The following KHDRBS2 variants were observed in gnomAD, a reference collection of about 807,000 sequenced individuals.
KHDRBS2 encodes the protein KH RNA binding domain containing, signal transduction associated 2.
Under a neutral mutation model 44.3 loss-of-function variants are expected in KHDRBS2, and 26 were observed. The ratio of observed to expected loss-of-function variants is 0.59; its 90% confidence interval spans 0.43 to 0.81. The LOEUF (loss-of-function observed/expected upper bound fraction) is 0.81, where lower values mean the gene tolerates loss of function less well. KHDRBS2 is among the 40% of genes least tolerant of loss of function. The probability of loss-of-function intolerance (pLI) is 0.00; values close to 1 mark genes in which losing one functional copy is unlikely to be tolerated. For synonymous variants in KHDRBS2, 194 were observed against 151.1 expected (o/e 1.28, Z -2.08); for missense variants, 476 against 433.1 (o/e 1.10, Z -0.88).
chr6:61,996,663 C>T (rs1342940645), intron 3 of KHDRBS2, among the ~76,000 whole-genome samples: 1 of 152,134 alleles, frequency 6.6e-6, no homozygotes, highest in Non-Finnish European at 1.5e-5. Context: ...TTGAATTAAG[C>T]CCAATTGAAC....
intron 2 of KHDRBS2, among the ~76,000 whole-genome samples, chr6:62,049,384 G>T (rs764094579): frequency 6.6e-6 from 1 of 151,508 alleles, no homozygotes; most frequent in Non-Finnish European, 1.5e-5. Context: ...ATCGATCATA[G>T]AACTATATGT....
At chr6:62,160,837 T>C (rs1462196683) in intron 2 of KHDRBS2, among the ~76,000 whole-genome samples, 1 of 152,140 alleles carries the variant, frequency 6.6e-6, no homozygotes, top group Non-Finnish European at 1.5e-5. Flanking sequence ...AAAATATTAC[T>C]ATATTTACCA....
At chr6:61,791,050 T>C (rs1784560278) in intron 6 of KHDRBS2, among the ~76,000 whole-genome samples, 1 of 151,538 alleles carries the variant, frequency 6.6e-6, no homozygotes, top group Non-Finnish European at 1.5e-5. Flanking sequence ...TTTATTGGAA[T>C]GACGTTCCTT....
At chr6:62,044,934 G>A (rs1787354737) in intron 3 of KHDRBS2, among the ~76,000 whole-genome samples, 1 of 152,026 alleles carries the variant, frequency 6.6e-6, no homozygotes, top group Admixed American at 6.6e-5. Flanking sequence ...TGTGTCCTTG[G>A]ACATATTACA....
At chr6:62,070,175 T>A (rs775501389) in intron 2 of KHDRBS2, among the ~76,000 whole-genome samples, 8 of 151,786 alleles carry the variant, frequency 5.3e-5, no homozygotes, top group Non-Finnish European at 1.0e-4. Context: ...TAGTGCACAA[T>A]CCATTTTATA....
chr6:61,597,482 G>A, the KHDRBS2 span, among the ~76,000 whole-genome samples: 1 of 151,690 alleles, frequency 6.6e-6, no homozygotes, highest in African/African-American at 2.4e-5. Context: ...CACAGTCACT[G>A]GAAGTCTCTT....
intron 6 of KHDRBS2, among the ~76,000 whole-genome samples, chr6:61,813,064 T>C (rs1415403055): frequency 1.3e-5 from 2 of 152,100 alleles, no homozygotes; most frequent in Non-Finnish European, 2.9e-5. Flanking sequence ...AGTAAATGTG[T>C]ATATGTAAAT....
chr6:62,284,056 T>C (rs536211375), intron 1 of KHDRBS2, among the ~76,000 whole-genome samples: 14 of 152,286 alleles, frequency 9.2e-5, no homozygotes, highest in Admixed American at 3.3e-4. Flanking sequence ...CATCAGAACA[T>C]GTTCCTAAGT....
rs144131779 is a variant in KHDRBS2, at chr6:61,811,379, C to T, written c.811-78615G>A. On this transcript the variant is annotated intron_variant, in intron 6 of 8. Transcript: ENST00000281156. Reference sequence around the variant, plus strand: ...ATGGGCACCTAGGTTTATTCCATGTCTTTGCTATTGTGAATAGTGCTGCGA... The same window carrying T: ...ATGGGCACCTAGGTTTATTCCATGTTTTTGCTATTGTGAATAGTGCTGCGA... Among the ~76,000 whole-genome samples, 122 of 152,192 alleles carry T rather than the reference C, an allele frequency of 8.0e-4. 1 individual carries two copies. Among genetic ancestry groups the T allele is most frequent in the African/African-American group, 2.8e-3 (117 of 41,548 alleles).
At chr6:61,602,441 C>G in the KHDRBS2 span, among the ~76,000 whole-genome samples, 1 of 152,122 alleles carries the variant, frequency 6.6e-6, no homozygotes, top group African/African-American at 2.4e-5. Flanking sequence ...TAAGCTGTGT[C>G]CCATCTGTGC....
At chr6:61,547,868 T>C in the KHDRBS2 span, among the ~76,000 whole-genome samples, 1 of 152,276 alleles carries the variant, frequency 6.6e-6, no homozygotes, top group Admixed American at 6.5e-5. Context: ...TGTCAAGCTC[T>C]TGAACCATAT....
chr6:62,132,317 C>A (rs1450871302), intron 2 of KHDRBS2, among the ~76,000 whole-genome samples: 1 of 152,100 alleles, frequency 6.6e-6, no homozygotes, highest in East Asian at 1.9e-4. Flanking sequence ...GTTTTTTCAT[C>A]ACTGAGTAAA....
chr6:62,151,632 G>A (rs1183708269), intron 2 of KHDRBS2, among the ~76,000 whole-genome samples: 3 of 152,120 alleles, frequency 2.0e-5, no homozygotes, highest in Admixed American at 6.5e-5. Flanking sequence ...AACAACCTCT[G>A]AAGGAAGTGG....
chr6:62,171,711 C>G (rs1229767401), intron 2 of KHDRBS2, among the ~76,000 whole-genome samples: 5 of 152,170 alleles, frequency 3.3e-5, no homozygotes, highest in Non-Finnish European at 5.9e-5. Flanking sequence ...GAAACCCGAT[C>G]TGGCTAACAA....
intron 3 of KHDRBS2, among the ~76,000 whole-genome samples, chr6:62,003,954 A>G (rs1405838616): frequency 1.3e-5 from 2 of 152,232 alleles, no homozygotes; most frequent in Non-Finnish European, 2.9e-5. Context: ...TTTGAAACCA[A>G]TGAGAACAAA....
chr6:61,662,505 T>A, the KHDRBS2 span, among the ~76,000 whole-genome samples: 99 of 152,000 alleles, frequency 6.5e-4, no homozygotes, highest in African/African-American at 2.2e-3. Context: ...CTCATCTGAC[T>A]AAGGGCTAAT....
chr6:62,102,245 T>C (rs1802064952), intron 2 of KHDRBS2, among the ~76,000 whole-genome samples: 2 of 152,218 alleles, frequency 1.3e-5, no homozygotes, highest in South Asian at 4.1e-4. Flanking sequence ...TGTTAACGCA[T>C]TACATATTGT....
At chr6:62,263,700 C>T (rs1838736152) in intron 1 of KHDRBS2, among the ~76,000 whole-genome samples, 1 of 151,640 alleles carries the variant, frequency 6.6e-6, no homozygotes, top group South Asian at 2.1e-4. Flanking sequence ...ACTTTAAATA[C>T]TAATGTCTAT....
chr6:62,132,441 A>G (rs1468169439), intron 2 of KHDRBS2, among the ~76,000 whole-genome samples: 3 of 152,174 alleles, frequency 2.0e-5, no homozygotes, highest in Admixed American at 2.0e-4. Context: ...CCACTGAATC[A>G]GAAATTCTAA....
Sources: gnomAD v4.1 joint callset for allele counts (sites outside exome capture counted in the v4.1 genomes callset) on GRCh38, gnomAD v4.1.1 for gene constraint, MANE v1.5 for transcripts, NCBI Gene and HGNC (gene_info 2026-07-23, HGNC 2026-07-21) for gene names.